The following NUAK1 variants were observed in gnomAD, a reference collection of about 807,000 sequenced individuals.
The protein encoded by NUAK1 is NUAK family SNF1-like kinase 1.
In NUAK1, 26 loss-of-function variants were observed where a neutral mutation model predicts 56.9. The observed-to-expected ratio is 0.46, with a 90% CI of 0.33 to 0.63. NUAK1 has a LOEUF of 0.63. Among genes scored for constraint, NUAK1 ranks in the 30% least tolerant of loss-of-function variants. The pLI is 0.02. For synonymous variants in NUAK1, 337 were observed against 336.0 expected (o/e 1.00, Z -0.03); for missense variants, 727 against 876.1 (o/e 0.83, Z 2.15).
At position 106,096,449 on chromosome 12, in the gene NUAK1, G is replaced by T. The variant is rs554091390; in HGVS notation, c.362-9564C>A. On this transcript the variant is annotated intron_variant, in intron 2 of 6. Coordinates refer to ENST00000261402, the MANE Select transcript of NUAK1 (RefSeq NM_014840.3). Reference sequence around the variant, plus strand: ...AGCACTCGTTCACATGATTACACGTGAAGAGAACTCTCTGGTGCTGTGTTA... The same window carrying T: ...AGCACTCGTTCACATGATTACACGTTAAGAGAACTCTCTGGTGCTGTGTTA... 6.0e-4 allele frequency among the ~76,000 whole-genome samples: 91 copies of T among 152,322 alleles called. 2 individuals are homozygous for T. Among genetic ancestry groups the T allele is most frequent in the African/African-American group, 1.9e-3 (81 of 41,568 alleles).
intron 1 of NUAK1, among the ~76,000 whole-genome samples, chr12:106,114,684 G>T (rs935319425): frequency 5.9e-5 from 9 of 152,192 alleles, no homozygotes; most frequent in Non-Finnish European, 1.2e-4. Context: ...AGAGAGTCCT[G>T]ATTCCCACTC....
intron 2 of NUAK1, among the ~76,000 whole-genome samples, chr12:106,089,055 C>T (rs2032606373): frequency 6.6e-6 from 1 of 152,232 alleles, no homozygotes; most frequent in South Asian, 2.1e-4. Flanking sequence ...GGGATTTCAG[C>T]CTGTTGTGCA....
In NUAK1 at chr12:106,131,278, A is replaced by G. The variant is rs1592864887; in HGVS notation, c.240+7136T>C. 2.0e-5 allele frequency among the ~76,000 whole-genome samples: 3 copies of G among 152,232 alleles called. No homozygotes were observed. The East Asian group carries it at 5.8e-4, about 29-fold the overall frequency. On this transcript the variant is annotated intron_variant, in intron 1 of 6. Coordinates refer to ENST00000261402, the MANE Select transcript of NUAK1 (RefSeq NM_014840.3). ...TTAGTATATTCGGAGGGGTGCAACC[A>G]TCATCACAATTTTAGAACATTTTCA...
chr12:106,113,814 C>T (rs1003611535), intron 1 of NUAK1, among the ~76,000 whole-genome samples: 13 of 151,820 alleles, frequency 8.6e-5, no homozygotes, highest in Non-Finnish European at 7.4e-5. Context: ...GGGTATCTCC[C>T]TAGTCCCAGC....
chr12:106,098,306 G>C (rs894011192), intron 2 of NUAK1, among the ~76,000 whole-genome samples: 2 of 152,186 alleles, frequency 1.3e-5, no homozygotes, highest in Non-Finnish European at 2.9e-5. Flanking sequence ...GAATATTTGA[G>C]AATACAGACT....
chr12:106,130,315 T>G (rs1056060197), intron 1 of NUAK1, among the ~76,000 whole-genome samples: 1 of 152,194 alleles, frequency 6.6e-6, no homozygotes, highest in East Asian at 1.9e-4. Context: ...GATTATTGCA[T>G]TGTTCTCAGA....
intron 1 of NUAK1, among the ~76,000 whole-genome samples, chr12:106,110,062 G>A (rs2032843023): frequency 1.3e-5 from 2 of 152,128 alleles, no homozygotes; most frequent in African/African-American, 2.4e-5. Context: ...TCTGAAATCA[G>A]GAAGATCAGA....
At chr12:106,124,745 C>T (rs528230225) in intron 1 of NUAK1, among the ~76,000 whole-genome samples, 18 of 152,188 alleles carry the variant, frequency 1.2e-4, no homozygotes, top group African/African-American at 4.1e-4. Flanking sequence ...TGTGGTGGCT[C>T]ATGACTGTAA....
At chr12:106,120,606 C>T (rs2136479258) in intron 1 of NUAK1, among the ~76,000 whole-genome samples, 1 of 152,228 alleles carries the variant, frequency 6.6e-6, no homozygotes, top group East Asian at 1.9e-4. Context: ...AGAAGTCCCT[C>T]CAAATGTACT....
chr12:106,077,830 T>C (rs1208850510), intron 4 of NUAK1, among the ~76,000 whole-genome samples: 1 of 152,222 alleles, frequency 6.6e-6, no homozygotes, highest in East Asian at 1.9e-4. Context: ...TTTCTTCATC[T>C]GTAAAGTGGG....
Position 106,068,058 on chromosome 12 carries a change from G to A in NUAK1, c.833-103C>T, listed in dbSNP as rs76613537. ...GACGAAAGACACACACTCCCTCTAGGACAAATCCATCTGGAGACCTGGTCC... is the reference window on the plus strand; with the variant it reads ...GACGAAAGACACACACTCCCTCTAGAACAAATCCATCTGGAGACCTGGTCC... On this transcript the variant is annotated intron_variant, in intron 6 of 6. Coordinates refer to ENST00000261402, the MANE Select transcript of NUAK1 (RefSeq NM_014840.3). The A allele has an allele frequency of 3.1e-4, 358 of 1,138,920 alleles. 4 individuals are homozygous for A. In the African/African-American group the frequency reaches 5.2e-3, roughly 16 times the overall value. The allele number at this position is 1,138,920 out of a possible 1,614,324, so 70.6% of individuals were successfully genotyped here. A position where few individuals can be genotyped will look rare whatever the true frequency, so the allele number is the denominator to read the frequency against.
At position 106,128,134 on chromosome 12, in the gene NUAK1, CT is replaced by C. The variant is rs1399268734; in HGVS notation, c.240+10279del. Among the ~76,000 whole-genome samples the C allele has an allele frequency of 1.6e-3, 217 of 136,644 alleles. 1 individual carries two copies. The highest frequency in any genetic ancestry group is 2.5e-3 in the African/African-American group (86 of 34,340). The allele number at this position is 136,644 out of a possible 152,430, so 89.6% of individuals were successfully genotyped here. A position where few individuals can be genotyped will look rare whatever the true frequency, so the allele number is the denominator to read the frequency against. On this transcript the variant is annotated intron_variant, in intron 1 of 6. Transcript: ENST00000261402. ...GCTCCAAATTCTCTCTTTTCTTTTT[CT>C]TTTTTTTTTTTTTTGACACAGAGAC...
chr12:106,108,547 A>T (rs1430265894), intron 1 of NUAK1, among the ~76,000 whole-genome samples: 3 of 152,202 alleles, frequency 2.0e-5, no homozygotes, highest in Non-Finnish European at 4.4e-5. Flanking sequence ...GCTTTATTTT[A>T]TCTGAGGAAG....
In NUAK1 at chr12:106,138,853, T is replaced by G. The variant is rs1260480102; in HGVS notation, c.-200A>C. On this transcript the variant is annotated 5_prime_UTR_variant, in exon 1 of 7. Coordinates refer to ENST00000261402, the MANE Select transcript of NUAK1 (RefSeq NM_014840.3). This position sits in a 1 kb window ranked among gnomAD's most constrained non-coding sequence, Gnocchi z 5.0. Reference sequence around the variant, plus strand: ...CATCTGGCGCCCGCGGCGCGCACGGTCCGCGCACCGCCCCCCGGCCGCGGC... The same window carrying G: ...CATCTGGCGCCCGCGGCGCGCACGGGCCGCGCACCGCCCCCCGGCCGCGGC... The G allele has an allele frequency of 3.3e-5, 20 of 600,976 alleles. No homozygotes were observed. Among genetic ancestry groups the G allele is most frequent in the Non-Finnish European group, 4.9e-5 (20 of 407,836 alleles). 37.2% of individuals were successfully genotyped at this position (600,976 alleles called of 1,614,324 possible).
intron 1 of NUAK1, among the ~76,000 whole-genome samples, chr12:106,115,660 C>T (rs1426184024): frequency 1.3e-5 from 2 of 152,234 alleles, no homozygotes; most frequent in Admixed American, 6.5e-5. Context: ...CATTAGTGCT[C>T]CACAAGCCTG....
chr12:106,122,972 C>T (rs1238036492), intron 1 of NUAK1, among the ~76,000 whole-genome samples: 1 of 152,234 alleles, frequency 6.6e-6, no homozygotes, highest in Non-Finnish European at 1.5e-5. Context: ...AACGCCCAAC[C>T]TGTAGTCCAT....
At chr12:106,132,266 G>C (rs2033085417) in intron 1 of NUAK1, among the ~76,000 whole-genome samples, 1 of 152,186 alleles carries the variant, frequency 6.6e-6, no homozygotes, top group African/African-American at 2.4e-5. Context: ...CAAATCTAAA[G>C]TTCCTTGAGG....
intron 1 of NUAK1, among the ~76,000 whole-genome samples, chr12:106,116,760 T>A (rs1359212366): frequency 1.3e-5 from 2 of 152,216 alleles, no homozygotes; most frequent in Non-Finnish European, 2.9e-5. Flanking sequence ...GAGGCCGCAC[T>A]GCCTTGTCCC....
chr12:106,108,034 T>A (rs531630658), intron 1 of NUAK1, among the ~76,000 whole-genome samples: 1 of 152,094 alleles, frequency 6.6e-6, no homozygotes, highest in African/African-American at 2.4e-5. Flanking sequence ...GGAAAACATT[T>A]AGTGTAGGCA....
Sources: gnomAD v4.1 joint callset for allele counts (sites outside exome capture counted in the v4.1 genomes callset) on GRCh38, gnomAD v4.1.1 for gene constraint, Gnocchi (gnomAD v3.1) non-coding constraint, MANE v1.5 for transcripts, NCBI Gene and HGNC (gene_info 2026-07-23, HGNC 2026-07-21) for gene names.